The following PARD3B variants were observed in gnomAD, a reference collection of about 807,000 sequenced individuals.
PARD3B encodes par-3 family cell polarity regulator beta.
Under a neutral mutation model 130.2 loss-of-function variants are expected in PARD3B, and 103 were observed. That is an observed-to-expected ratio of 0.79 (90% CI 0.67 to 0.93). The LOEUF is 0.93. Ranked by LOEUF, PARD3B falls within the 40% of genes least tolerant of loss-of-function variation. The pLI is 0.00. For synonymous variants in PARD3B, 583 were observed against 553.2 expected, an observed-to-expected ratio of 1.05 and a Z score of -0.76; for missense variants, 1,609 against 1,499.2, an observed-to-expected ratio of 1.07 and a Z score of -1.21.
chr2:204,594,248 C>T (rs1049855392), intron 1 of PARD3B, among the ~76,000 whole-genome samples: 1 of 152,150 alleles, frequency 6.6e-6, no homozygotes, highest in Non-Finnish European at 1.5e-5. Context: ...CTGAGTGTTC[C>T]TGTGCATTTC....
At chr2:205,333,473 C>G (rs2043205790) in intron 18 of PARD3B, among the ~76,000 whole-genome samples, 1 of 152,042 alleles carries the variant, frequency 6.6e-6, no homozygotes, top group African/African-American at 2.4e-5. Flanking sequence ...ACATGTGTGA[C>G]TCACATTATA....
At chr2:204,620,910 A>C (rs2034277655) in intron 1 of PARD3B, among the ~76,000 whole-genome samples, 1 of 135,976 alleles carries the variant, frequency 7.4e-6, no homozygotes, top group African/African-American at 2.7e-5. Flanking sequence ...CTATGCTGAG[A>C]GACTTTGATC....
At chr2:204,797,594 T>A (rs1378407372) in intron 2 of PARD3B, among the ~76,000 whole-genome samples, 2 of 152,190 alleles carry the variant, frequency 1.3e-5, no homozygotes, top group African/African-American at 2.4e-5. Flanking sequence ...TAAAAATTGT[T>A]TGGGCAATGA....
intron 4 of PARD3B, among the ~76,000 whole-genome samples, chr2:205,083,177 G>C (rs937066535): frequency 4.0e-5 from 6 of 151,790 alleles, no homozygotes; most frequent in Non-Finnish European, 7.4e-5. Flanking sequence ...TCTTGGCCTC[G>C]CAAAGTGCTG....
At chr2:205,103,200 T>TGTAAA (rs1278615178) in intron 4 of PARD3B, among the ~76,000 whole-genome samples, 1 of 145,612 alleles carries the variant, frequency 6.9e-6, no homozygotes, top group African/African-American at 2.5e-5. Flanking sequence ...TTTATATTTA[T>TGTAAA]GTAAACATTT....
intron 3 of PARD3B, among the ~76,000 whole-genome samples, chr2:205,000,848 T>TTA (rs2125279220): frequency 6.6e-6 from 1 of 152,288 alleles, no homozygotes; most frequent in African/African-American, 2.4e-5. Flanking sequence ...ACTAGAAGTT[T>TTA]TATCCTGAGA....
rs867940832 is a variant in PARD3B, at chr2:205,217,896, T to A, written c.2140+24576T>A. ...TATATATATATATATATATATATAT[T>A]TTTTTTTTTATTTTTTTGAGATGGT... is the stretch of plus-strand genomic sequence containing the variant. On this transcript the variant is annotated intron_variant, in intron 15 of 22. Transcript: ENST00000406610. Among the ~76,000 whole-genome samples the A allele has an allele frequency of 1.5e-3, 147 of 100,930 alleles. 3 individuals are homozygous for A. Among genetic ancestry groups the A allele is most frequent in the South Asian group, 0.011 (31 of 2,764 alleles). 66.2% of individuals were successfully genotyped at this position (100,930 alleles called of 152,430 possible).
At chr2:204,658,212 A>T (rs10171959) in intron 1 of PARD3B, among the ~76,000 whole-genome samples, 7,256 of 152,214 alleles carry the variant, frequency 0.048, 262 homozygotes, top group East Asian at 0.13. Context: ...TAAAAAAAAA[A>T]TCTATCTTAT....
At chr2:204,776,010 C>T (rs1423965882) in intron 2 of PARD3B, among the ~76,000 whole-genome samples, 1 of 152,080 alleles carries the variant, frequency 6.6e-6, no homozygotes, top group Admixed American at 6.6e-5. Flanking sequence ...TACTTTTTTC[C>T]CACTTGTTTG....
chr2:204,651,238 T>G (rs1187907703), intron 1 of PARD3B, among the ~76,000 whole-genome samples: 1 of 152,216 alleles, frequency 6.6e-6, no homozygotes, highest in Non-Finnish European at 1.5e-5. Context: ...GACAAGTCCC[T>G]TCCATCTATA....
chr2:204,998,657 A>G (rs1414605916), intron 3 of PARD3B, among the ~76,000 whole-genome samples: 2 of 151,324 alleles, frequency 1.3e-5, no homozygotes, highest in African/African-American at 2.4e-5. Flanking sequence ...TCTACTAAAC[A>G]TTTTTCCATA....
chr2:204,647,701 A>G (rs2035323910), intron 1 of PARD3B, among the ~76,000 whole-genome samples: 1 of 151,842 alleles, frequency 6.6e-6, no homozygotes. Context: ...CTTTAAGAAG[A>G]ACAGGGATAG....
chr2:204,687,109 T>A (rs1036085104), intron 2 of PARD3B, among the ~76,000 whole-genome samples: 1 of 152,160 alleles, frequency 6.6e-6, no homozygotes, highest in African/African-American at 2.4e-5. Context: ...TTTTTCCCTG[T>A]AATCTCAGGG....
intron 18 of PARD3B, among the ~76,000 whole-genome samples, chr2:205,333,165 TGA>T (rs1251147265): frequency 1.3e-5 from 2 of 151,920 alleles, no homozygotes; most frequent in Non-Finnish European, 2.9e-5. Context: ...GTTGGGTAGG[TGA>T]GAGGGGAATG....
At chr2:205,406,992 T>C (rs1340450306) in intron 19 of PARD3B, among the ~76,000 whole-genome samples, 1 of 152,160 alleles carries the variant, frequency 6.6e-6, no homozygotes, top group East Asian at 1.9e-4. Flanking sequence ...TAAATGCTAC[T>C]TTGTCCTTAG....
chr2:205,342,857 G>T (rs2043593824), intron 18 of PARD3B, among the ~76,000 whole-genome samples: 1 of 152,078 alleles, frequency 6.6e-6, no homozygotes, highest in African/African-American at 2.4e-5. Context: ...AAGTCAGTGA[G>T]AAAACAAGAT....
intron 4 of PARD3B, among the ~76,000 whole-genome samples, chr2:205,063,162 A>T (rs578235744): frequency 6.6e-6 from 1 of 152,214 alleles, no homozygotes; most frequent in African/African-American, 2.4e-5. Flanking sequence ...TTGGAATTTT[A>T]TCACTGCAAA....
At chr2:205,037,536 A>T (rs1418210269) in intron 3 of PARD3B, among the ~76,000 whole-genome samples, 1 of 147,992 alleles carries the variant, frequency 6.8e-6, no homozygotes, top group East Asian at 2.0e-4. Context: ...TATATAGTGT[A>T]CTATACATAT....
intron 6 of PARD3B, among the ~76,000 whole-genome samples, chr2:205,113,898 A>G (rs369229153): frequency 5.3e-5 from 8 of 152,158 alleles, no homozygotes; most frequent in African/African-American, 1.9e-4. Context: ...CAAATGTTGC[A>G]ACTGAATTTT....
Sources: allele counts gnomAD v4.1 joint callset (sites outside exome capture counted in the v4.1 genomes callset), GRCh38; gene constraint gnomAD v4.1.1; transcripts MANE v1.5; gene names NCBI Gene and HGNC (gene_info 2026-07-23, HGNC 2026-07-21).